ZNF587: variants seen among roughly 807,000 people sequenced by gnomAD.
ZNF587 encodes the protein zinc finger protein 587.
Under a neutral mutation model 7.5 loss-of-function variants are expected in ZNF587, and 8 were observed. The ratio of observed to expected loss-of-function variants is 1.06; its 90% CI spans 0.62 to 1.92. The LOEUF is 1.92. ZNF587 is among the 40% of genes most tolerant of loss of function. The pLI, the probability that ZNF587 is intolerant of heterozygous loss-of-function variation, is 0.00. For synonymous variants in ZNF587, 145 were observed against 237.8 expected (o/e 0.61, Z 3.59); for missense variants, 468 against 692.8 (o/e 0.68, Z 3.64).
chr19:57,865,103 T>G lies in ZNF587; in HGVS notation c.*4963T>G, dbSNP rs975086332. 2 of 152,168 alleles carry G rather than the reference T, an allele frequency of 1.3e-5. No individual in the cohort carries two copies. Among genetic ancestry groups the G allele is most frequent in the African/African-American group, 2.4e-5 (1 of 41,452 alleles). 9.4% of individuals were successfully genotyped at this position (152,168 alleles called of 1,614,324 possible). ...TATGTGAATTAAATATATGTCAAAC[T>G]TTTTTTGTACAAAAGATTCATACCT... is the stretch of plus-strand genomic sequence containing the variant. On this transcript the variant is annotated 3_prime_UTR_variant, in exon 3 of 3. Transcript: ENST00000339656.
rs1600125816 is a variant in ZNF587, at chr19:57,860,373, ATCC to A, written c.*238_*240del. ...AACTTGGGCCTCCTGGGTTCATGCA[ATCC>A]TCCTACCTCAGCCTCCTGAGTAGCT... On this transcript the variant is annotated 3_prime_UTR_variant, in exon 3 of 3. Coordinates refer to ENST00000339656, the MANE Select transcript of ZNF587 (RefSeq NM_032828.4). 3.0e-6 allele frequency: 2 copies of A among 668,150 alleles called. No individual in the cohort carries two copies. Among genetic ancestry groups the A allele is most frequent in the Admixed American group, 3.0e-5 (1 of 33,808 alleles). The allele number at this position is 668,150 out of a possible 1,614,324, so 41.4% of individuals were successfully genotyped here. A position where few individuals can be genotyped will look rare whatever the true frequency, so the allele number is the denominator to read the frequency against.
chr19:57,855,570 T>C (rs1024355498), intron 1 of ZNF587, among the ~76,000 whole-genome samples: 28 of 151,216 alleles, frequency 1.9e-4, no homozygotes, highest in African/African-American at 6.6e-4. Context: ...TTTTTGTTTT[T>C]TTTTTTTTTG....
chr19:57,850,629 C>T (rs1381855491), intron 1 of ZNF587: 4 of 399,678 alleles, frequency 1.0e-5, no homozygotes, highest in Admixed American at 4.4e-5. Flanking sequence ...CAGCAGATAC[C>T]CCGAGTCCTG....
chr19:57,861,281 GTTTATTAT>G lies in ZNF587; in HGVS notation c.*1146_*1153del, dbSNP rs907459999. The G allele has an allele frequency of 2.8e-5, 4 of 141,942 alleles. No homozygotes were observed. Among genetic ancestry groups the G allele is most frequent in the Non-Finnish European group, 4.9e-5 (3 of 61,126 alleles). The allele number at this position is 141,942 out of a possible 1,614,324, so 8.8% of individuals were successfully genotyped here. ...GGGAGTATGGTTAGTATTTGAAATT[GTTTATTAT>G]TTTAATAAGTGGTTATAACTTTTGA... is the stretch of plus-strand genomic sequence containing the variant. On this transcript the variant is annotated 3_prime_UTR_variant, in exon 3 of 3. Transcript: ENST00000339656.
chr19:57,849,899 T>A lies in ZNF587; in HGVS notation c.-140T>A, dbSNP rs1462447039. On this transcript the variant is annotated 5_prime_UTR_variant, in exon 1 of 3. The change creates a new upstream start codon in the 5' untranslated region. Transcript: ENST00000339656. ...TCGGCGATGCGGGTGTTTCCCCAGTTTGTGGCCCCTGAGTGCTGGGTGGGA... is the reference window on the plus strand; with the variant it reads ...TCGGCGATGCGGGTGTTTCCCCAGTATGTGGCCCCTGAGTGCTGGGTGGGA... The A allele has an allele frequency of 1.4e-5, 22 of 1,545,546 alleles. No homozygotes were observed. Among genetic ancestry groups the A allele is most frequent in the Non-Finnish European group, 1.8e-5 (21 of 1,145,842 alleles).
intron 1 of ZNF587, chr19:57,852,445 G>T (rs2071292231): frequency 2.5e-6 from 1 of 398,690 alleles, no homozygotes; most frequent in Non-Finnish European, 4.4e-6. Flanking sequence ...CCATAATCCA[G>T]GTGAGGGTTA....
At position 57,851,792 on chromosome 19, in the gene ZNF587, C is replaced by T. The variant is rs538871515; in HGVS notation, c.33+1721C>T. On this transcript the variant is annotated intron_variant, in intron 1 of 2. Transcript: ENST00000339656. ...TTTAAGAAGTTTCCCAAAGGCCAAT[C>T]AAAGGAAGAACATCATAGAGAGAGA... 6.6e-5 allele frequency: 10 copies of T among 152,340 alleles called. No homozygotes were observed. The East Asian group carries it at 1.9e-3, about 29-fold the overall frequency. 9.4% of individuals were successfully genotyped at this position (152,340 alleles called of 1,614,324 possible).
chr19:57,857,187 G>A (rs1410854550), intron 2 of ZNF587: 2 of 151,942 alleles, frequency 1.3e-5, no homozygotes, highest in East Asian at 1.9e-4. Flanking sequence ...CATCACGATA[G>A]GCTCAAAGGG....
Position 57,850,080 on chromosome 19 carries a change from G to C in ZNF587, c.33+9G>C. On this transcript the variant is annotated intron_variant, in intron 1 of 2. Coordinates refer to ENST00000339656, the MANE Select transcript of ZNF587 (RefSeq NM_032828.4). Reference sequence around the variant, plus strand: ...CGAGGCGCCCAACTCAGGTAATTGTGGTGCCTTCTGTGCCCTCAGGTCACC... The same window carrying C: ...CGAGGCGCCCAACTCAGGTAATTGTCGTGCCTTCTGTGCCCTCAGGTCACC... 5 of 1,614,124 alleles carry C rather than the reference G, an allele frequency of 3.1e-6. No individual in the cohort carries two copies. The highest frequency in any genetic ancestry group is 4.2e-6 in the Non-Finnish European group (5 of 1,180,030).
chr19:57,855,108 T>C (rs1163640961), intron 1 of ZNF587, among the ~76,000 whole-genome samples: 12 of 151,660 alleles, frequency 7.9e-5, no homozygotes, highest in Non-Finnish European at 1.8e-4. Context: ...GGCCTGAACC[T>C]GGGAGGCAGA....
intron 1 of ZNF587, among the ~76,000 whole-genome samples, chr19:57,853,325 G>C (rs1427838624): frequency 6.6e-6 from 1 of 152,208 alleles, no homozygotes; most frequent in Non-Finnish European, 1.5e-5. Flanking sequence ...GCCATATGAA[G>C]AATCAGAGAC....
rs1240330215 is a variant in ZNF587 at position 57,861,772 on chromosome 19, T to G, written c.*1632T>G. On this transcript the variant is annotated 3_prime_UTR_variant, in exon 3 of 3. Coordinates refer to ENST00000339656, the MANE Select transcript of ZNF587 (RefSeq NM_032828.4). Reference sequence around the variant, plus strand: ...CTTTGCTGCAAGGAATATTTGGTTTTCTTTTTTTTTTTTTTTTCCAGATGG... The same window carrying G: ...CTTTGCTGCAAGGAATATTTGGTTTGCTTTTTTTTTTTTTTTTCCAGATGG... 4 of 137,748 alleles carry G rather than the reference T, an allele frequency of 2.9e-5. No homozygotes were observed. Among genetic ancestry groups the G allele is most frequent in the African/African-American group, 1.2e-4 (4 of 33,940 alleles). 8.5% of individuals were successfully genotyped at this position (137,748 alleles called of 1,614,324 possible). A position where few individuals can be genotyped will look rare whatever the true frequency, so the allele number is the denominator to read the frequency against.
intron 1 of ZNF587, among the ~76,000 whole-genome samples, chr19:57,853,267 G>A (rs1030834851): frequency 7.9e-5 from 12 of 152,330 alleles, no homozygotes; most frequent in Middle Eastern, 3.4e-3. Flanking sequence ...CTGAGATGAC[G>A]TTGGTATTGA....
At position 57,863,972 on chromosome 19, in the gene ZNF587, G is replaced by C. The variant is rs1328344108; in HGVS notation, c.*3832G>C. The C allele has an allele frequency of 4.0e-5, 6 of 150,364 alleles. No homozygotes were observed. The highest frequency in any genetic ancestry group is 7.4e-5 in the Non-Finnish European group (5 of 67,750). 9.3% of individuals were successfully genotyped at this position (150,364 alleles called of 1,614,324 possible). A position where few individuals can be genotyped will look rare whatever the true frequency, so the allele number is the denominator to read the frequency against. ...GCCAGAAAATCGGTTGAACCTGGGAGGTGGAAGGTGCACTGAGCCAATATC... is the reference window on the plus strand; with the variant it reads ...GCCAGAAAATCGGTTGAACCTGGGACGTGGAAGGTGCACTGAGCCAATATC... On this transcript the variant is annotated 3_prime_UTR_variant, in exon 3 of 3. Coordinates refer to ENST00000339656, the MANE Select transcript of ZNF587 (RefSeq NM_032828.4).
chr19:57,855,510 T>C (rs1441934369), intron 1 of ZNF587, among the ~76,000 whole-genome samples: 1 of 151,856 alleles, frequency 6.6e-6, no homozygotes, highest in Non-Finnish European at 1.5e-5. Context: ...GCAGCTGCCT[T>C]GGGCTTTACG....
intron 1 of ZNF587, among the ~76,000 whole-genome samples, chr19:57,854,743 T>G (rs1331005984): frequency 6.6e-6 from 1 of 151,984 alleles, no homozygotes; most frequent in Non-Finnish European, 1.5e-5. Context: ...TCTTGTGAAA[T>G]AATTTTATTT....
intron 1 of ZNF587, among the ~76,000 whole-genome samples, chr19:57,853,279 A>G (rs754764129): frequency 1.3e-5 from 2 of 152,262 alleles, no homozygotes; most frequent in African/African-American, 2.4e-5. Flanking sequence ...TGGTATTGAC[A>G]TAATATTCAC....
chr19:57,860,134 C>G lies in ZNF587; in HGVS notation c.1722C>G (p.Ala574=), dbSNP rs2071416091. 21 of 1,614,014 alleles carry G rather than the reference C, an allele frequency of 1.3e-5. No homozygotes were observed. The highest frequency in any genetic ancestry group is 1.6e-5 in the Non-Finnish European group (19 of 1,180,004). ...LHHQSSHRRK[A]L ...ATCAGAGTTCACACAGGAGAAAGGCCTTATGAGTGCAGTGAATATGGGAAA... is the reference window on the plus strand; with the variant it reads ...ATCAGAGTTCACACAGGAGAAAGGCGTTATGAGTGCAGTGAATATGGGAAA... The change falls in exon 3 of 3, where the codon GCC becomes GCG. Residue 574 remains alanine, a synonymous_variant. Transcript: ENST00000339656.
chr19:57,861,370 T>C lies in ZNF587; in HGVS notation c.*1230T>C, dbSNP rs2071430001. 6.6e-6 allele frequency: 1 copy of C among 152,106 alleles called. No individual in the cohort carries two copies. The highest frequency in any genetic ancestry group is 1.5e-5 in the Non-Finnish European group (1 of 68,030). The allele number at this position is 152,106 out of a possible 1,614,324, so 9.4% of individuals were successfully genotyped here. On this transcript the variant is annotated 3_prime_UTR_variant, in exon 3 of 3. Coordinates refer to ENST00000339656, the MANE Select transcript of ZNF587 (RefSeq NM_032828.4). ...TTTTGAGACAAAGTCTCGCTCTGTC[T>C]CCCAGGCTAGAGTACCGTGGCACAA...
Sources: allele counts gnomAD v4.1 joint callset (sites outside exome capture counted in the v4.1 genomes callset), GRCh38; gene constraint gnomAD v4.1.1; transcripts MANE v1.5; gene names NCBI Gene and HGNC (gene_info 2026-07-23, HGNC 2026-07-21).